The following DNAH8 variants were observed in gnomAD, a reference collection of about 807,000 sequenced individuals.
DNAH8 encodes axonemal beta dynein heavy chain 8.
In DNAH8, 382 loss-of-function variants were observed where a neutral mutation model predicts 562.1. That is an observed-to-expected ratio of 0.68 (90% CI 0.63 to 0.74). The LOEUF (loss-of-function observed/expected upper bound fraction) is 0.74, where lower values mean the gene tolerates loss of function less well. DNAH8 is among the 30% of genes least tolerant of loss of function. The probability of loss-of-function intolerance (pLI) is 0.00; values close to 1 mark genes in which losing one functional copy is unlikely to be tolerated. For synonymous variants in DNAH8, 1,881 were observed against 1,919.4 expected (o/e 0.98, Z 0.52); for missense variants, 5,203 against 5,620.4 (o/e 0.93, Z 2.37).
chr6:38,772,996 T>TTTTTTTTTTTTTTTGTTG (rs1554205957), intron 12 of DNAH8, among the ~76,000 whole-genome samples: 5 of 109,940 alleles, frequency 4.5e-5, no homozygotes, highest in African/African-American at 1.8e-4. Context: ...TTTTTTTTTT[T>TTTTTTTTTTTTTTTGTTG]TTGTAGAGAT....
At chr6:38,782,229 AC>A (rs1768692979) in intron 16 of DNAH8, among the ~76,000 whole-genome samples, 1 of 151,576 alleles carries the variant, frequency 6.6e-6, no homozygotes, top group African/African-American at 2.4e-5. Flanking sequence ...GTGAATCGAA[AC>A]CTAAATCTTT....
At position 38,870,577 on chromosome 6, in the gene DNAH8, A is replaced by G; in HGVS notation, c.6990+15A>G. On this transcript the variant is annotated intron_variant, in intron 49 of 92. Coordinates refer to ENST00000327475, the MANE Select transcript of DNAH8 (RefSeq NM_001206927.2). Reference sequence around the variant, plus strand: ...AACTCGTGCAGGTAAAGACATTTTAATCTATTATTAGTATAATGATAAGTA... The same window carrying G: ...AACTCGTGCAGGTAAAGACATTTTAGTCTATTATTAGTATAATGATAAGTA... 1 of 1,605,656 alleles carries G rather than the reference A, an allele frequency of 6.2e-7. No homozygotes were observed. The highest frequency in any genetic ancestry group is 8.5e-7 in the Non-Finnish European group (1 of 1,175,264).
intron 82 of DNAH8, among the ~76,000 whole-genome samples, chr6:38,952,809 G>A (rs1762009972): frequency 6.6e-6 from 1 of 152,092 alleles, no homozygotes; most frequent in Non-Finnish European, 1.5e-5. Flanking sequence ...GAGCTCCCAG[G>A]TTCTATTGGC....
At position 38,915,113 on chromosome 6, in the gene DNAH8, G is replaced by T. The variant is rs908349483; in HGVS notation, c.9964-88G>T. ...TGTTCTTATTCGTGTTTTATATTAT[G>T]TTGAATAAATATTTGCTCACTATTC... On this transcript the variant is annotated intron_variant, in intron 67 of 92. Transcript: ENST00000327475. 5.3e-6 allele frequency: 6 copies of T among 1,139,452 alleles called. No homozygotes were observed. The African/African-American group carries it at 9.6e-5, about 18-fold the overall frequency. 70.6% of individuals were successfully genotyped at this position (1,139,452 alleles called of 1,614,324 possible). A position where few individuals can be genotyped will look rare whatever the true frequency, so the allele number is the denominator to read the frequency against.
At chr6:38,992,114 C>T in intron 88 of DNAH8, among the ~76,000 whole-genome samples, 1 of 152,090 alleles carries the variant, frequency 6.6e-6, no homozygotes. Flanking sequence ...TACAGGCATG[C>T]ACCACCACGC....
intron 79 of DNAH8, among the ~76,000 whole-genome samples, chr6:38,939,253 A>G (rs1783240074): frequency 6.6e-6 from 1 of 152,194 alleles, no homozygotes; most frequent in African/African-American, 2.4e-5. Flanking sequence ...ACTGCTGCCC[A>G]TGCCAGGAAA....
rs560394850 is a variant in DNAH8, at chr6:39,019,814, A to G, written c.13715-6732A>G. On this transcript the variant is annotated intron_variant, in intron 91 of 92. Transcript: ENST00000327475. ...TTAATGGGTCGCAGCAGATGGGTAT[A>G]TGGCAAGGACAATGAGAGGAGGGAC... Among the ~76,000 whole-genome samples the G allele has an allele frequency of 4.6e-5, 7 of 152,306 alleles. No individual in the cohort carries two copies. The South Asian group carries it at 1.5e-3, about 32-fold the overall frequency.
chr6:38,946,379 A>G (rs1344247260), intron 80 of DNAH8, among the ~76,000 whole-genome samples: 2 of 152,056 alleles, frequency 1.3e-5, no homozygotes, highest in African/African-American at 2.4e-5. Flanking sequence ...CATTGTGTAG[A>G]CTCTACCTAT....
At chr6:38,742,809 C>T (rs558149520) in intron 8 of DNAH8, among the ~76,000 whole-genome samples, 1 of 152,100 alleles carries the variant, frequency 6.6e-6, no homozygotes, top group African/African-American at 2.4e-5. Context: ...TCAACATCTT[C>T]TGTGGTATGT....
At chr6:39,010,252 T>C (rs1267575344) in intron 89 of DNAH8, among the ~76,000 whole-genome samples, 3 of 152,200 alleles carry the variant, frequency 2.0e-5, no homozygotes, top group African/African-American at 2.4e-5. Flanking sequence ...CTTTTTAGTG[T>C]CTTATTTTAT....
At chr6:38,760,408 A>G (rs1266801811) in intron 10 of DNAH8, among the ~76,000 whole-genome samples, 1 of 152,060 alleles carries the variant, frequency 6.6e-6, no homozygotes, top group Non-Finnish European at 1.5e-5. Context: ...TTATTCTCCC[A>G]GGAAGCTTTT....
rs766123131 is a variant in DNAH8, at chr6:38,737,790, T to C, written c.953-19T>C. 9 of 1,302,636 alleles carry C rather than the reference T, an allele frequency of 6.9e-6. No homozygotes were observed. Among genetic ancestry groups the C allele is most frequent in the Non-Finnish European group, 9.1e-6 (9 of 984,072 alleles). 80.7% of individuals were successfully genotyped at this position (1,302,636 alleles called of 1,614,324 possible). Reference sequence around the variant, plus strand: ...TTAATATATAAATTAGTATTAAATGTCTTTTTTTTCCTTTTTAGGTGCTAG... The same window carrying C: ...TTAATATATAAATTAGTATTAAATGCCTTTTTTTTCCTTTTTAGGTGCTAG... On this transcript the variant is annotated intron_variant, in intron 6 of 92. Coordinates refer to ENST00000327475, the MANE Select transcript of DNAH8 (RefSeq NM_001206927.2).
In DNAH8 at chr6:38,900,002, CTTT is replaced by C. The variant is rs959413516; in HGVS notation, c.9194+99_9194+101del. 3 of 1,113,626 alleles carry C rather than the reference CTTT, an allele frequency of 2.7e-6. No individual in the cohort carries two copies. In the African/African-American group the frequency reaches 4.8e-5, roughly 18 times the overall value. The allele number at this position is 1,113,626 out of a possible 1,614,324, so 69.0% of individuals were successfully genotyped here. Reference sequence around the variant, plus strand: ...GGAAGCACAACAGTTTCCTGTATTTCTTTTTAAGGTAAACTTTAAGTATTATAT... The same window carrying C: ...GGAAGCACAACAGTTTCCTGTATTTCTTAAGGTAAACTTTAAGTATTATAT... On this transcript the variant is annotated intron_variant, in intron 62 of 92. Transcript: ENST00000327475.
intron 18 of DNAH8, among the ~76,000 whole-genome samples, chr6:38,789,091 C>T (rs1769453807): frequency 6.6e-6 from 1 of 152,116 alleles, no homozygotes; most frequent in Non-Finnish European, 1.5e-5. Context: ...TTACATCTTG[C>T]AAGATTTTAG....
intron 22 of DNAH8, 59 bp downstream of exon 22, chr6:38,803,370 G>T: frequency 7.3e-7 from 1 of 1,369,606 alleles, no homozygotes. Flanking sequence ...TCTTATGTAA[G>T]CACCTTCTGC....
At chr6:38,991,000 GC>G (rs1437975288) in intron 88 of DNAH8, among the ~76,000 whole-genome samples, 2 of 152,252 alleles carry the variant, frequency 1.3e-5, no homozygotes, top group South Asian at 2.1e-4. Flanking sequence ...AGTTGAGAAT[GC>G]CCTAAGAGTG....
At chr6:38,884,188 GT>G (rs1359064310) in intron 56 of DNAH8, among the ~76,000 whole-genome samples, 190 bp downstream of exon 56, 1 of 151,630 alleles carries the variant, frequency 6.6e-6, no homozygotes, top group Non-Finnish European at 1.5e-5. Context: ...GTGTTTTTTT[GT>G]TTTTGTTTTT....
At chr6:38,820,093 A>G (rs947254921) in intron 26 of DNAH8, among the ~76,000 whole-genome samples, 37 of 152,230 alleles carry the variant, frequency 2.4e-4, no homozygotes, top group African/African-American at 5.3e-4. Context: ...GTAAAATTAT[A>G]TAGAAGTGAA....
intron 11 of DNAH8, among the ~76,000 whole-genome samples, chr6:38,767,360 C>T (rs1267416180): frequency 6.6e-6 from 1 of 151,684 alleles, no homozygotes; most frequent in Admixed American, 6.6e-5. Context: ...TCACTTGAAC[C>T]TGGGAGGCGT....
Sources: gnomAD v4.1 joint callset for allele counts (sites outside exome capture counted in the v4.1 genomes callset) on GRCh38, gnomAD v4.1.1 for gene constraint, MANE v1.5 for transcripts, NCBI Gene and HGNC (gene_info 2026-07-23, HGNC 2026-07-21) for gene names.